Variants in BTNL9 observed in about 807,000 individuals in gnomAD.
BTNL9 encodes the protein butyrophilin-like protein 9.
Under a neutral mutation model 45.8 loss-of-function variants are expected in BTNL9, and 45 were observed. The observed-to-expected ratio is 0.98, with a 90% CI of 0.77 to 1.26. The LOEUF (loss-of-function observed/expected upper bound fraction) is 1.26, where lower values mean the gene tolerates loss of function less well. BTNL9 is among the 50% of genes most tolerant of loss of function. The pLI, the probability that BTNL9 is intolerant of heterozygous loss-of-function variation, is 0.00. For synonymous variants in BTNL9, 346 were observed against 330.8 expected (o/e 1.05, Z -0.50); for missense variants, 784 against 729.7 (o/e 1.07, Z -0.86).
At position 181,059,502 on chromosome 5, in the gene BTNL9, G is replaced by A. The variant is rs1225682322; in HGVS notation, c.1248G>A (p.Ala416=). The A allele has an allele frequency of 6.3e-7, 1 of 1,576,382 alleles. No individual in the cohort carries two copies. The highest frequency in any genetic ancestry group is 8.6e-7 in the Non-Finnish European group (1 of 1,164,788). ...CGGGGCCTGCGCGCCTGAGCCCTGC[G>A]GCCGGCTACTGGGTGCTGGGGCTGT... ...PRAGPARLSP[A]AGYWVLGLWN... Residue 416 remains alanine (A), a synonymous_variant, in exon 11 of 11, where the codon GCG becomes GCA. Coordinates refer to ENST00000327705, the MANE Select transcript of BTNL9 (RefSeq NM_152547.5).
chr5:181,045,676 AG>A (rs1294614795), intron 2 of BTNL9, 78 bp downstream of exon 2: 4 of 1,168,998 alleles, frequency 3.4e-6, no homozygotes, highest in Non-Finnish European at 5.1e-6. Flanking sequence ...CTACGATCTT[AG>A]CACAGTACCA....
At chr5:181,054,954 G>A in intron 7 of BTNL9, 1 of 985,472 alleles carries the variant, frequency 1.0e-6, no homozygotes, top group African/African-American at 1.7e-5. Context: ...ACAGATCAAA[G>A]GAATGCATTT....
At chr5:181,059,209 C>A in intron 10 of BTNL9, 28 bp from the exon 11 acceptor site, 2 of 1,492,508 alleles carry the variant, frequency 1.3e-6, no homozygotes, top group Non-Finnish European at 1.8e-6. Flanking sequence ...CCGTCCCGGG[C>A]GGGCACTAAC....
chr5:181,051,104 CAAG>C (rs1761515755), intron 4 of BTNL9, among the ~76,000 whole-genome samples: 14 of 118,880 alleles, frequency 1.2e-4, no homozygotes, highest in African/African-American at 3.1e-4. Context: ...AAAAAAAAAA[CAAG>C]AAGAAGGTGG....
At position 181,056,000 on chromosome 5, in the gene BTNL9, G is replaced by A. The variant is rs1256634560; in HGVS notation, c.940G>A (p.Ala314Thr). 10 of 1,614,040 alleles carry A rather than the reference G, an allele frequency of 6.2e-6. No individual in the cohort carries two copies. The Admixed American group carries it at 1.0e-4, about 16-fold the overall frequency. ...KLQTELDWRR[A>T]EGQAEWRAAQ... ...CTTGGTTGCTTCAGACTGGAGACGG[G>A]CTGAAGGCCAGGCTGGTGAGTGGAA... Residue 314 changes from alanine (A) to threonine (T), a missense_variant, in exon 9 of 11, where the codon GCT (alanine) becomes ACT (threonine). Coordinates refer to ENST00000327705, the MANE Select transcript of BTNL9 (RefSeq NM_152547.5). The surrounding 1 kb of genome is among the most constrained non-coding windows in gnomAD (Gnocchi z 4.4).
intron 3 of BTNL9, among the ~76,000 whole-genome samples, chr5:181,049,014 G>A (rs1377308543): frequency 6.7e-6 from 1 of 148,952 alleles, no homozygotes; most frequent in Non-Finnish European, 1.5e-5. Flanking sequence ...ATGTCAAAAT[G>A]CAATTTTTTT....
intron 2 of BTNL9, among the ~76,000 whole-genome samples, chr5:181,045,939 TCCCC>T: frequency 2.7e-5 from 1 of 36,846 alleles, no homozygotes; most frequent in African/African-American, 1.1e-4. Context: ...CTCCACCATC[TCCCC>T]AGCCTCCAAC....
chr5:181,059,334 G>T lies in BTNL9; in HGVS notation c.1080G>T (p.Ala360=), dbSNP rs768186681. ...CCCGCGGGGCGCCGCCAGGCCCGGC[G>T]CCTGGCCACCCGCAGCGGTTCTCGG... is the stretch of plus-strand genomic sequence containing the variant. ...VSSRGAPPGP[A]PGHPQRFSEQ... The change falls in exon 11 of 11, where the codon GCG becomes GCT. Residue 360 remains alanine, a synonymous_variant. Transcript: ENST00000327705. 1.9e-6 allele frequency: 3 copies of T among 1,548,906 alleles called. No individual in the cohort carries two copies. The highest frequency in any genetic ancestry group is 1.7e-6 in the Non-Finnish European group (2 of 1,150,940).
chr5:181,059,400 C>T lies in BTNL9; in HGVS notation c.1146C>T (p.Gly382=). 6.6e-7 allele frequency: 1 copy of T among 1,525,724 alleles called. No homozygotes were observed. The highest frequency in any genetic ancestry group is 8.8e-7 in the Non-Finnish European group (1 of 1,139,032). The allele number at this position is 1,525,724 out of a possible 1,614,324, so 94.5% of individuals were successfully genotyped here. Residue 382 remains glycine (G), a synonymous_variant, in exon 11 of 11, where the codon GGC becomes GGT. Transcript: ENST00000327705. ...TGAGCCTGGAGCGGTTCTCCGCCGG[C>T]CGCCACTACTGGGAGGTGCACGTGG... The part of the protein sequence containing the change: ...CALSLERFSA[G]RHYWEVHVGR...
rs184327346 is a variant in BTNL9, at chr5:181,045,670, G to C, written c.109+72G>C. On this transcript the variant is annotated intron_variant, in intron 2 of 10. Transcript: ENST00000327705. ...CCTGCCAGGTGCTCCCCAGGGCTAC[G>C]ATCTTAGCACAGTACCAGGGCGTGC... 6.3e-5 allele frequency: 78 copies of C among 1,237,640 alleles called. No homozygotes were observed. The African/African-American group carries it at 6.4e-4, about 10-fold the overall frequency. The allele number at this position is 1,237,640 out of a possible 1,614,324, so 76.7% of individuals were successfully genotyped here. A position where few individuals can be genotyped will look rare whatever the true frequency, so the allele number is the denominator to read the frequency against.
rs745308875 is a variant in BTNL9, at chr5:181,048,233, A to C, written c.416A>C (p.Asn139Thr). Residue 139 changes from asparagine (N) to threonine (T), a missense_variant, in exon 3 of 11, where the codon AAC (asparagine) becomes ACC (threonine). By Grantham distance (65) the Asn-to-Thr change is moderately conservative. Coordinates refer to ENST00000327705, the MANE Select transcript of BTNL9 (RefSeq NM_152547.5). ...TATGGCTGCCGCTTCCACTCCGACA[A>C]CTTCTCTGGCGAAGCTCTCTGGGAA... ...GTYGCRFHSDNFSGEALWELE... is the reference protein window; with the variant it reads ...GTYGCRFHSDTFSGEALWELE... 1 of 1,612,252 alleles carries C rather than the reference A, an allele frequency of 6.2e-7. No individual in the cohort carries two copies. The highest frequency in any genetic ancestry group is 2.2e-5 in the East Asian group (1 of 44,830).
intron 3 of BTNL9, among the ~76,000 whole-genome samples, chr5:181,049,336 T>C (rs1187508437): frequency 6.6e-6 from 1 of 152,218 alleles, no homozygotes; most frequent in Non-Finnish European, 1.5e-5. Flanking sequence ...GCATAAAAGC[T>C]GAGTATGCTC....
Position 181,053,353 on chromosome 5 carries a change from G to C in BTNL9, c.853+37G>C, listed in dbSNP as rs1046305598. ...GGCGGCGGGGCGGGGAGGGGCACCG[G>C]CCGGTGCTGAACCCCGGGGCCGCGG... On this transcript the variant is annotated intron_variant, in intron 5 of 10. Coordinates refer to ENST00000327705, the MANE Select transcript of BTNL9 (RefSeq NM_152547.5). The surrounding 1 kb of genome is among the most constrained non-coding windows in gnomAD (Gnocchi z 6.5). 4.6e-6 allele frequency: 7 copies of C among 1,515,940 alleles called. No individual in the cohort carries two copies. Among genetic ancestry groups the C allele is most frequent in the Non-Finnish European group, 6.2e-6 (7 of 1,131,896 alleles). 93.9% of individuals were successfully genotyped at this position (1,515,940 alleles called of 1,614,324 possible).
chr5:181,045,702 C>A, intron 2 of BTNL9, 104 bp downstream of exon 2: 4 of 900,698 alleles, frequency 4.4e-6, no homozygotes, highest in Admixed American at 4.2e-5. Context: ...GTGCCAGACG[C>A]TAAAATACAA....
At chr5:181,040,886 TGGGGAGTG>T (rs1032010422) in intron 1 of BTNL9, among the ~76,000 whole-genome samples, 1 of 152,154 alleles carries the variant, frequency 6.6e-6, no homozygotes, top group African/African-American at 2.4e-5. Context: ...ACTTGCAGCT[TGGGGAGTG>T]GAGGACAGGA....
rs79329330 is a variant in BTNL9 at position 181,042,444 on chromosome 5, C to T, written c.-24+2012C>T. Among the ~76,000 whole-genome samples, 2,025 of 152,250 alleles carry T rather than the reference C, an allele frequency of 0.013. 51 individuals carry two copies. Among genetic ancestry groups the T allele is most frequent in the African/African-American group, 0.046 (1,917 of 41,530 alleles). On this transcript the variant is annotated intron_variant, in intron 1 of 10. Coordinates refer to ENST00000327705, the MANE Select transcript of BTNL9 (RefSeq NM_152547.5). The surrounding 1 kb of genome is among the most constrained non-coding windows in gnomAD (Gnocchi z 4.5). ...AGCAGAGGGTGGAAAGTGTTTCCTT[C>T]GAGGAGGGGACTTACGCTTCAAGTA... is the stretch of plus-strand genomic sequence containing the variant.
chr5:181,058,855 G>A (rs1360033330), intron 10 of BTNL9, among the ~76,000 whole-genome samples: 2 of 151,232 alleles, frequency 1.3e-5, no homozygotes, highest in East Asian at 3.9e-4. Context: ...GTAAAATGAC[G>A]CTCAGCGCTC....
chr5:181,057,055 C>T (rs1242671588), intron 9 of BTNL9: 1 of 153,872 alleles, frequency 6.5e-6, no homozygotes. Context: ...AGATTAATCC[C>T]TCATGGGTAA....
intron 7 of BTNL9, chr5:181,054,665 C>T: frequency 1.0e-6 from 1 of 985,248 alleles, no homozygotes; most frequent in African/African-American, 1.7e-5. Context: ...AGACGTGAAA[C>T]CATGGGATGT....
Sources: allele counts gnomAD v4.1 joint callset (sites outside exome capture counted in the v4.1 genomes callset), GRCh38; gene constraint gnomAD v4.1.1; non-coding constraint Gnocchi (gnomAD v3.1); transcripts MANE v1.5; gene names NCBI Gene and HGNC (gene_info 2026-07-23, HGNC 2026-07-21).